PCED1B: variants seen among roughly 807,000 people sequenced by gnomAD.
PCED1B encodes the protein PC-esterase domain containing 1B, also known as PC-esterase domain-containing protein 1B.
For missense variants in PCED1B, 573 were observed against 573.9 expected (o/e 1.00, Z 0.02); for synonymous variants, 251 against 246.1 (o/e 1.02, Z -0.19).
At chr12:47,130,739 A>G (rs929068966) in intron 2 of PCED1B, among the ~76,000 whole-genome samples, 3 of 152,170 alleles carry the variant, frequency 2.0e-5, no homozygotes, top group Non-Finnish European at 4.4e-5. Context: ...AATTAACTTT[A>G]GCATTAAAGA....
intron 2 of PCED1B, among the ~76,000 whole-genome samples, chr12:47,124,583 AAGTACG>A (rs1939812961): frequency 6.6e-6 from 1 of 151,560 alleles, no homozygotes; most frequent in Admixed American, 6.6e-5. Flanking sequence ...TGGGGAAGAT[AAGTACG>A]AGTGGAATGG....
chr12:47,225,711 T>C lies in PCED1B; in HGVS notation c.-58+9022T>C, dbSNP rs1943613399. Among the ~76,000 whole-genome samples, 4 of 152,214 alleles carry C rather than the reference T, an allele frequency of 2.6e-5. No individual in the cohort carries two copies. In the South Asian group the frequency reaches 8.3e-4, roughly 31 times the overall value. ...GGAAATGAACCATTTATATTCCCAGTACAATATTGTATTAAGATAGTCATA... is the reference window on the plus strand; with the variant it reads ...GGAAATGAACCATTTATATTCCCAGCACAATATTGTATTAAGATAGTCATA... On this transcript the variant is annotated intron_variant, in intron 3 of 3. Coordinates refer to ENST00000546455, the MANE Select transcript of PCED1B (RefSeq NM_138371.3).
intron 2 of PCED1B, among the ~76,000 whole-genome samples, chr12:47,166,793 T>A (rs1283092602): frequency 6.6e-6 from 1 of 152,128 alleles, no homozygotes; most frequent in East Asian, 1.9e-4. Context: ...AAAAAAATAT[T>A]TTTTTTATTT....
intron 3 of PCED1B, among the ~76,000 whole-genome samples, chr12:47,219,714 G>C (rs552528059): frequency 3.9e-5 from 6 of 152,276 alleles, no homozygotes; most frequent in African/African-American, 1.4e-4. Context: ...ATTTAAAGCT[G>C]TGCACAAAAT....
At chr12:47,229,294 G>A (rs1174625966) in intron 3 of PCED1B, among the ~76,000 whole-genome samples, 1 of 151,512 alleles carries the variant, frequency 6.6e-6, no homozygotes, top group Non-Finnish European at 1.5e-5. Flanking sequence ...CACGTCTGTA[G>A]TCCTAGCTAC....
intron 2 of PCED1B, among the ~76,000 whole-genome samples, chr12:47,133,481 T>A (rs1940218075): frequency 6.6e-6 from 1 of 152,034 alleles, no homozygotes; most frequent in African/African-American, 2.4e-5. Context: ...TGGAGCAAGG[T>A]AGGGATGGGG....
chr12:47,187,995 G>A (rs545486213), intron 2 of PCED1B: 1 of 154,222 alleles, frequency 6.5e-6, no homozygotes, highest in Non-Finnish European at 1.5e-5. Context: ...CTTCCTGACT[G>A]CAACAAGTTC....
chr12:47,191,022 G>A (rs1415100632), intron 2 of PCED1B, among the ~76,000 whole-genome samples: 2 of 152,148 alleles, frequency 1.3e-5, no homozygotes, highest in African/African-American at 2.4e-5. Flanking sequence ...ACAGCCCCTG[G>A]GGGTCAGGAT....
chr12:47,145,172 A>G (rs1023418781), intron 2 of PCED1B, among the ~76,000 whole-genome samples: 2 of 152,246 alleles, frequency 1.3e-5, no homozygotes, highest in African/African-American at 4.8e-5. Context: ...CAAACCAACC[A>G]CAGCATTCCC....
intron 1 of PCED1B, among the ~76,000 whole-genome samples, chr12:47,081,732 A>G (rs1937735494): frequency 1.3e-5 from 2 of 152,204 alleles, no homozygotes; most frequent in Non-Finnish European, 2.9e-5. Flanking sequence ...TATTTTTTAA[A>G]TGACTAATAA....
At chr12:47,099,439 G>C (rs1228672230) in intron 1 of PCED1B, among the ~76,000 whole-genome samples, 1 of 152,060 alleles carries the variant, frequency 6.6e-6, no homozygotes, top group Admixed American at 6.5e-5. Context: ...TTGAAAGCGG[G>C]GATCGTCTCC....
intron 2 of PCED1B, among the ~76,000 whole-genome samples, chr12:47,177,616 G>T (rs953411400): frequency 6.6e-6 from 1 of 152,046 alleles, no homozygotes; most frequent in Non-Finnish European, 1.5e-5. Flanking sequence ...GTGGTGGGGT[G>T]GGGGGTGGCA....
chr12:47,207,855 C>A (rs570964156), intron 2 of PCED1B, among the ~76,000 whole-genome samples: 15 of 152,174 alleles, frequency 9.9e-5, no homozygotes, highest in Non-Finnish European at 2.1e-4. Flanking sequence ...GAATAACAAG[C>A]TCCTTCTCTA....
At chr12:47,169,706 T>G (rs1941657859) in intron 2 of PCED1B, among the ~76,000 whole-genome samples, 1 of 152,112 alleles carries the variant, frequency 6.6e-6, no homozygotes, top group Non-Finnish European at 1.5e-5. Flanking sequence ...ATTGTACTTT[T>G]TGGCCCAGCA....
intron 2 of PCED1B, among the ~76,000 whole-genome samples, chr12:47,160,282 T>C (rs571009817): frequency 2.1e-3 from 291 of 138,788 alleles, no homozygotes; most frequent in Middle Eastern, 0.011. Context: ...TTTCTTTTTC[T>C]TTTTCTTTTT....
intron 2 of PCED1B, among the ~76,000 whole-genome samples, chr12:47,107,523 G>A (rs1364023702): frequency 6.6e-6 from 1 of 152,200 alleles, no homozygotes; most frequent in Non-Finnish European, 1.5e-5. Context: ...AAAGTATAAT[G>A]CATCGAAGTT....
At chr12:47,135,380 G>C (rs1402561874) in intron 2 of PCED1B, 1 of 180,154 alleles carries the variant, frequency 5.6e-6, no homozygotes, top group Admixed American at 6.2e-5. Context: ...TGAGGATAAA[G>C]GGCTGATACA....
intron 2 of PCED1B, among the ~76,000 whole-genome samples, chr12:47,170,367 G>A (rs574312856): frequency 7.8e-4 from 118 of 152,184 alleles, no homozygotes; most frequent in Middle Eastern, 3.4e-3. Flanking sequence ...CGGCAAAACC[G>A]CCATCGTCAT....
At chr12:47,150,981 C>A (rs1398114054) in intron 2 of PCED1B, among the ~76,000 whole-genome samples, 2 of 151,968 alleles carry the variant, frequency 1.3e-5, no homozygotes, top group African/African-American at 4.8e-5. Context: ...TACAAATGAA[C>A]AACATGACAT....
Sources: allele counts gnomAD v4.1 joint callset (sites outside exome capture counted in the v4.1 genomes callset), GRCh38; gene constraint gnomAD v4.1.1; transcripts MANE v1.5; gene names NCBI Gene and HGNC (gene_info 2026-07-23, HGNC 2026-07-21).